PMPCB: variants seen among roughly 807,000 people sequenced by gnomAD.
The protein encoded by PMPCB is peptidase, mitochondrial processing subunit beta, also known as mitochondrial-processing peptidase subunit beta.
A neutral mutation model predicts 61.5 loss-of-function variants in PMPCB; 46 were observed. That is an observed-to-expected ratio of 0.75 (90% CI 0.59 to 0.96). PMPCB has a LOEUF of 0.96. Ranked by LOEUF, PMPCB falls within the 40% of genes least tolerant of loss-of-function variation. The pLI is 0.00. For missense variants in PMPCB, 590 were observed against 602.4 expected, an observed-to-expected ratio of 0.98 and a Z score of 0.22; for synonymous variants, 191 against 201.6, an observed-to-expected ratio of 0.95 and a Z score of 0.44.
At chr7:103,325,252 T>C (rs1818640928) in intron 12 of PMPCB, among the ~76,000 whole-genome samples, 1 of 152,184 alleles carries the variant, frequency 6.6e-6, no homozygotes, top group Non-Finnish European at 1.5e-5. Context: ...GAGACCAGTC[T>C]GGCCAATATG....
Position 103,308,931 on chromosome 7 carries a change from C to T in PMPCB, c.850-21C>T, listed in dbSNP as rs1175720672. On this transcript the variant is annotated intron_variant, in intron 7 of 12. Coordinates refer to ENST00000249269, the MANE Select transcript of PMPCB (RefSeq NM_004279.3). Reference sequence around the variant, plus strand: ...ATAATGTTAATCTTAACTAGAGGTCCTCCTGCTTTATCTTAACTAGATTCG... The same window carrying T: ...ATAATGTTAATCTTAACTAGAGGTCTTCCTGCTTTATCTTAACTAGATTCG... 6 of 1,532,066 alleles carry T rather than the reference C, an allele frequency of 3.9e-6. No individual in the cohort carries two copies. The Admixed American group carries it at 6.3e-5, about 16-fold the overall frequency. The allele number at this position is 1,532,066 out of a possible 1,614,324, so 94.9% of individuals were successfully genotyped here.
chr7:103,337,698 C>A, the PMPCB span: 2 of 1,504,770 alleles, frequency 1.3e-6, no homozygotes, highest in Non-Finnish European at 1.8e-6. Context: ...TGTTCCTATA[C>A]AAGATATTTG....
downstream of PMPCB, among the ~76,000 whole-genome samples, chr7:103,332,874 T>G (rs897846257): frequency 2.0e-5 from 3 of 152,222 alleles, no homozygotes; most frequent in African/African-American, 7.2e-5. Flanking sequence ...TCCACCCACC[T>G]CAGCCTTCTA....
chr7:103,303,982 A>C lies in PMPCB; in HGVS notation c.598A>C (p.Thr200Pro), dbSNP rs1817514851. Residue 200 changes from threonine to proline, a missense_variant, in exon 5 of 13, where the codon ACA becomes CCA. Physicochemically the swap from Thr to Pro is conservative, Grantham distance 38 (BLOSUM62 -1). Transcript: ENST00000249269. ...AGTTGTTTTTGATTATCTTCATGCC[A>C]CAGCTTATCAAAATACTGCACTTGG... ...QEVVFDYLHA[T>P]AYQNTALGRT... The C allele has an allele frequency of 6.2e-7, 1 of 1,613,928 alleles. No individual in the cohort carries two copies. The highest frequency in any genetic ancestry group is 1.3e-5 in the African/African-American group (1 of 74,950).
In PMPCB at chr7:103,300,197, A is replaced by T; in HGVS notation, c.347A>T (p.Gln116Leu). ...MAFKGTKKRSQLDLELEIENM... is the reference protein window; with the variant it reads ...MAFKGTKKRSLLDLELEIENM... ...TTCAAGGGCACCAAGAAGAGATCCC[A>T]GTTAGATCTGGAACTTGAGATTGAA... The change falls in exon 4 of 13, where the codon CAG becomes CTG. Residue 116 changes from glutamine to leucine, a missense_variant. Transcript: ENST00000249269. 6.2e-7 allele frequency: 1 copy of T among 1,612,534 alleles called. No homozygotes were observed. The highest frequency in any genetic ancestry group is 1.3e-5 in the African/African-American group (1 of 74,994).
At chr7:103,341,719 T>C in the PMPCB span, 1 of 1,448,028 alleles carries the variant, frequency 6.9e-7, no homozygotes, top group Non-Finnish European at 9.3e-7. Flanking sequence ...ATTGTCTATG[T>C]CTAACAAAGC....
At chr7:103,311,260 A>C (rs559057344) in intron 9 of PMPCB, 1 of 182,474 alleles carries the variant, frequency 5.5e-6, no homozygotes, top group South Asian at 1.6e-4. Context: ...ACTAGGATGT[A>C]ATTATTGTTA....
At chr7:103,330,625 T>C (rs567711755), downstream of PMPCB, among the ~76,000 whole-genome samples, 5 of 152,090 alleles carry the variant, frequency 3.3e-5, no homozygotes, top group South Asian at 4.2e-4. Context: ...CTAATTTTTA[T>C]ATTTTTAGTA....
Position 103,314,389 on chromosome 7 carries a change from C to T in PMPCB, c.*2118C>T. The T allele has an allele frequency of 3.0e-6, 3 of 985,350 alleles. No individual in the cohort carries two copies. The highest frequency in any genetic ancestry group is 6.1e-5 in the Admixed American group (1 of 16,272). The allele number at this position is 985,350 out of a possible 1,614,324, so 61.0% of individuals were successfully genotyped here. ...GAAGAGGAAGGAGCCTTCCCATTTC[C>T]ATAAAAGAGGCAAAGGAGTCATACC... On this transcript the variant is annotated 3_prime_UTR_variant, in exon 13 of 13. Coordinates refer to ENST00000249269, the MANE Select transcript of PMPCB (RefSeq NM_004279.3).
intron 4 of PMPCB, among the ~76,000 whole-genome samples, chr7:103,303,241 C>T (rs559058088): frequency 5.3e-4 from 81 of 152,308 alleles, no homozygotes; most frequent in African/African-American, 1.8e-3. Flanking sequence ...CTCAGCCTCC[C>T]GAGTAGCAGG....
At chr7:103,305,600 G>A (rs1232395400) in intron 6 of PMPCB, among the ~76,000 whole-genome samples, 2 of 152,150 alleles carry the variant, frequency 1.3e-5, no homozygotes, top group Admixed American at 6.5e-5. Context: ...TTAGAGCAAA[G>A]CGAAGTGTTC....
intron 12 of PMPCB, among the ~76,000 whole-genome samples, chr7:103,328,014 G>A (rs375089988): frequency 4.6e-5 from 7 of 151,986 alleles, no homozygotes; most frequent in East Asian, 1.9e-4. Flanking sequence ...TCCGCCTCCC[G>A]GGTTCAAGCG....
At chr7:103,339,131 G>A in the PMPCB span, among the ~76,000 whole-genome samples, 1 of 152,052 alleles carries the variant, frequency 6.6e-6, no homozygotes, top group African/African-American at 2.4e-5. Context: ...ATAGCTTATG[G>A]CCATCCTATG....
At chr7:103,332,973 G>C (rs1292698949), downstream of PMPCB, among the ~76,000 whole-genome samples, 2 of 152,210 alleles carry the variant, frequency 1.3e-5, no homozygotes, top group East Asian at 3.9e-4. Flanking sequence ...AAATGCTTGG[G>C]ACCAAAAGTG....
chr7:103,345,040 A>T, the PMPCB span: 1 of 356,254 alleles, frequency 2.8e-6, no homozygotes, highest in Admixed American at 4.6e-5. Context: ...GAACCTAATC[A>T]GTGATTTTCC....
At position 103,311,874 on chromosome 7, in the gene PMPCB, C is replaced by G; in HGVS notation, c.1307C>G (p.Pro436Arg). The G allele has an allele frequency of 6.2e-7, 1 of 1,611,334 alleles. No individual in the cohort carries two copies. The change falls in exon 11 of 13, where the codon CCT becomes CGT. Residue 436 changes from proline to arginine, a missense_variant. By Grantham distance (103) the Pro-to-Arg change is moderately radical. Coordinates refer to ENST00000249269, the MANE Select transcript of PMPCB (RefSeq NM_004279.3). ...MLCYNRRIPI[P>R]ELEARIDAVN... The stretch of plus-strand genomic sequence containing the variant: ...TGCTATAATAGAAGGATTCCCATCC[C>G]TGAGCTTGAAGCAAGAATTGATGTA...
At chr7:103,311,454 A>G in intron 9 of PMPCB, 189 bp from the exon 10 acceptor site, 11 of 590,944 alleles carry the variant, frequency 1.9e-5, no homozygotes, top group African/African-American at 1.5e-4. Flanking sequence ...ATGTGTAATT[A>G]GGCATGTTTA....
At chr7:103,316,578 A>C, downstream of PMPCB, 1 of 441,762 alleles carries the variant, frequency 2.3e-6, no homozygotes, top group Non-Finnish European at 4.0e-6. Context: ...AGCCAACATA[A>C]ATCAAGACTT....
intron 1 of PMPCB, among the ~76,000 whole-genome samples, chr7:103,298,125 T>C (rs1817341055): frequency 6.6e-6 from 1 of 150,904 alleles, no homozygotes; most frequent in African/African-American, 2.4e-5. Flanking sequence ...CTATCCTCTC[T>C]CTCTTTTTTT....
Sources: gnomAD v4.1 joint callset for allele counts (sites outside exome capture counted in the v4.1 genomes callset) on GRCh38, gnomAD v4.1.1 for gene constraint, MANE v1.5 for transcripts, NCBI Gene and HGNC (gene_info 2026-07-23, HGNC 2026-07-21) for gene names.